The following ABCA10 variants were observed in gnomAD, a reference collection of about 807,000 sequenced individuals.
ABCA10 encodes ATP binding cassette subfamily A member 10.
ABCA10 carries 169 observed loss-of-function variants against 187.5 expected under a neutral mutation model. The observed-to-expected ratio is 0.90, with a 90% CI of 0.80 to 1.02. The LOEUF (loss-of-function observed/expected upper bound fraction) is 1.02, where lower values mean the gene tolerates loss of function less well. Among genes scored for constraint, ABCA10 ranks in the 50% least tolerant of loss-of-function variants. The probability of loss-of-function intolerance (pLI) is 0.00; values close to 1 mark genes in which losing one functional copy is unlikely to be tolerated. For synonymous variants in ABCA10, 574 were observed against 601.8 expected, an observed-to-expected ratio of 0.95 and a Z score of 0.68; for missense variants, 1,727 against 1,812.4, an observed-to-expected ratio of 0.95 and a Z score of 0.86.
intron 27 of ABCA10, among the ~76,000 whole-genome samples, chr17:69,158,552 A>T (rs1423693769): frequency 6.6e-6 from 1 of 151,986 alleles, no homozygotes; most frequent in Non-Finnish European, 1.5e-5. Context: ...ATAAAATACT[A>T]AAGTATATAA....
intron 20 of ABCA10, 116 bp downstream of exon 20, chr17:69,185,361 G>T: frequency 1.9e-6 from 2 of 1,036,488 alleles, no homozygotes; most frequent in Non-Finnish European, 1.3e-6. Context: ...TCCTTCATTT[G>T]AAAATGGAGC....
intron 22 of ABCA10, among the ~76,000 whole-genome samples, chr17:69,180,856 T>G (rs1354385445): frequency 6.6e-6 from 1 of 152,202 alleles, no homozygotes; most frequent in Admixed American, 6.5e-5. Context: ...ACTATGCATA[T>G]TCTTGCTAAC....
At chr17:69,196,465 CAG>C (rs2074503942) in intron 11 of ABCA10, 1 of 177,506 alleles carries the variant, frequency 5.6e-6, no homozygotes, top group Non-Finnish European at 1.2e-5. Flanking sequence ...GGCGGCGGGG[CAG>C]AGACGCTCCT....
At chr17:69,177,552 G>A (rs77286324) in intron 22 of ABCA10, among the ~76,000 whole-genome samples, 3 of 152,200 alleles carry the variant, frequency 2.0e-5, no homozygotes, top group Admixed American at 6.5e-5. Flanking sequence ...GGATTCCAAT[G>A]CCATATTAGA....
chr17:69,207,975 A>G (rs1409672468), intron 9 of ABCA10, among the ~76,000 whole-genome samples: 2 of 152,252 alleles, frequency 1.3e-5, no homozygotes, highest in African/African-American at 4.8e-5. Flanking sequence ...TTAATTAGCT[A>G]GATTTGACTA....
intron 1 of ABCA10, among the ~76,000 whole-genome samples, chr17:69,244,026 T>C (rs188494790): frequency 3.1e-4 from 47 of 152,308 alleles, no homozygotes; most frequent in African/African-American, 1.1e-3. Context: ...GTTTAAAATA[T>C]TGCCTAAGTG....
At chr17:69,210,058 A>ATC (rs1272244707) in intron 9 of ABCA10, among the ~76,000 whole-genome samples, 3 of 147,700 alleles carry the variant, frequency 2.0e-5, no homozygotes, top group African/African-American at 7.5e-5. Context: ...TTTAAAAGCC[A>ATC]TCTGTAGAGC....
intron 9 of ABCA10, among the ~76,000 whole-genome samples, chr17:69,203,648 CAG>C (rs1167690044): frequency 6.6e-6 from 1 of 152,120 alleles, no homozygotes; most frequent in Non-Finnish European, 1.5e-5. Flanking sequence ...ATGCAGCTGC[CAG>C]AGAGAGCTTC....
intron 5 of ABCA10, 81 bp from the exon 6 acceptor site, chr17:69,219,852 T>G (rs77873035): frequency 2.0e-6 from 2 of 1,016,346 alleles, no homozygotes; most frequent in African/African-American, 3.3e-5. Context: ...TATTTTCGAT[T>G]TCAATATTTA....
intron 25 of ABCA10, among the ~76,000 whole-genome samples, chr17:69,170,291 A>G (rs1468102923): frequency 6.6e-6 from 1 of 150,562 alleles, no homozygotes; most frequent in Admixed American, 6.6e-5. Context: ...CCGTCTCAAA[A>G]AAAAAAAAAA....
chr17:69,242,527 C>T lies in ABCA10; in HGVS notation c.-593+2002G>A, dbSNP rs141721056. On this transcript the variant is annotated intron_variant, in intron 1 of 39. Transcript: ENST00000269081. ...CCGCCCAGGCTGGAGTGCAGTGGCGCGATCTTGGCTCACTGCAACCTCTGC... is the reference window on the plus strand; with the variant it reads ...CCGCCCAGGCTGGAGTGCAGTGGCGTGATCTTGGCTCACTGCAACCTCTGC... 5.1e-3 allele frequency among the ~76,000 whole-genome samples: 775 copies of T among 152,232 alleles called. 11 individuals carry two copies. The highest frequency in any genetic ancestry group is 0.017 in the African/African-American group (702 of 41,532).
At chr17:69,206,734 A>G (rs1220420959) in intron 9 of ABCA10, among the ~76,000 whole-genome samples, 1 of 152,236 alleles carries the variant, frequency 6.6e-6, no homozygotes, top group Non-Finnish European at 1.5e-5. Context: ...AAATGCCATC[A>G]TAAGTTGAGG....
chr17:69,188,703 G>A lies in ABCA10; in HGVS notation c.2132-824C>T, dbSNP rs550631217. On this transcript the variant is annotated intron_variant, in intron 18 of 38. Coordinates refer to ENST00000690296, the MANE Select transcript of ABCA10 (RefSeq NM_001377321.1). Reference sequence around the variant, plus strand: ...TTCAATTCTCATCCTCCACACTTAAGTAGGCCCTGGTGTCTGTTGTTCTCT... The same window carrying A: ...TTCAATTCTCATCCTCCACACTTAAATAGGCCCTGGTGTCTGTTGTTCTCT... Among the ~76,000 whole-genome samples, 3 of 151,714 alleles carry A rather than the reference G, an allele frequency of 2.0e-5. No individual in the cohort carries two copies. The East Asian group carries it at 5.8e-4, about 29-fold the overall frequency.
At chr17:69,220,236 G>C (rs960517299) in intron 5 of ABCA10, among the ~76,000 whole-genome samples, 1 of 152,056 alleles carries the variant, frequency 6.6e-6, no homozygotes, top group Non-Finnish European at 1.5e-5. Flanking sequence ...AACAAAGATT[G>C]GGGGAGGGGG....
At chr17:69,230,864 T>A (rs1038391231), upstream of ABCA10, among the ~76,000 whole-genome samples, 1 of 152,172 alleles carries the variant, frequency 6.6e-6, no homozygotes, top group African/African-American at 2.4e-5. Flanking sequence ...ATTTTATTGT[T>A]AATTTCTATT....
At chr17:69,201,866 C>A (rs1217673915) in intron 9 of ABCA10, among the ~76,000 whole-genome samples, 198 bp from the exon 10 acceptor site, 1 of 152,100 alleles carries the variant, frequency 6.6e-6, no homozygotes, top group Non-Finnish European at 1.5e-5. Context: ...CTCACCGCAA[C>A]CTCCGCCTCC....
In ABCA10 at chr17:69,212,951, T is replaced by TGTG. The variant is rs1288878939; in HGVS notation, c.1006+1750_1006+1752dup. 2.6e-5 allele frequency among the ~76,000 whole-genome samples: 4 copies of TGTG among 152,210 alleles called. No individual in the cohort carries two copies. In the East Asian group the frequency reaches 7.7e-4, roughly 29 times the overall value. The stretch of plus-strand genomic sequence containing the variant: ...GCACATTTAGGCCATTTACATTCAA[T>TGTG]GTGGGTATTGAGATGTGAGGTACTA... On this transcript the variant is annotated intron_variant, in intron 9 of 38. Coordinates refer to ENST00000690296, the MANE Select transcript of ABCA10 (RefSeq NM_001377321.1).
chr17:69,197,003 G>A, intron 11 of ABCA10, 61 bp downstream of exon 11: 1 of 897,754 alleles, frequency 1.1e-6, no homozygotes, highest in South Asian at 1.8e-5. Context: ...GGGAGACCGT[G>A]GACAGAGGGA....
chr17:69,170,408 A>T (rs2144774434), intron 25 of ABCA10, among the ~76,000 whole-genome samples: 1 of 149,442 alleles, frequency 6.7e-6, no homozygotes, highest in South Asian at 2.1e-4. Flanking sequence ...TTACTACACT[A>T]ATTACCACAT....
Sources: gnomAD v4.1 joint callset for allele counts (sites outside exome capture counted in the v4.1 genomes callset) on GRCh38, gnomAD v4.1.1 for gene constraint, MANE v1.5 for transcripts, NCBI Gene and HGNC (gene_info 2026-07-23, HGNC 2026-07-21) for gene names.